Variants in SLC22A24 observed in about 807,000 individuals in gnomAD.
SLC22A24 encodes the protein solute carrier family 22 member 24.
Under a neutral mutation model 49.8 loss-of-function variants are expected in SLC22A24, and 53 were observed. The ratio of observed to expected loss-of-function variants is 1.06; its 90% confidence interval spans 0.85 to 1.34. The LOEUF (loss-of-function observed/expected upper bound fraction) is 1.34, where lower values mean the gene tolerates loss of function less well. SLC22A24 is among the 40% of genes most tolerant of loss of function. The pLI, the probability that SLC22A24 is intolerant of heterozygous loss-of-function variation, is 0.00. For synonymous variants in SLC22A24, 302 were observed against 256.4 expected, an observed-to-expected ratio of 1.18 and a Z score of -1.70; for missense variants, 786 against 675.9, an observed-to-expected ratio of 1.16 and a Z score of -1.81.
intron 4 of SLC22A24, among the ~76,000 whole-genome samples, chr11:63,118,112 G>T (rs553260848): frequency 1.3e-5 from 2 of 152,140 alleles, no homozygotes; most frequent in Non-Finnish European, 2.9e-5. Context: ...TCCAAATAGG[G>T]TCTTAGGGGA....
intron 8 of SLC22A24, among the ~76,000 whole-genome samples, 189 bp downstream of exon 8, chr11:63,081,369 C>G (rs540444065): frequency 6.6e-6 from 1 of 152,282 alleles, no homozygotes; most frequent in East Asian, 1.9e-4. Context: ...CATTAATTAA[C>G]CTGTAGCAAT....
intron 1 of SLC22A24, among the ~76,000 whole-genome samples, chr11:63,142,529 C>T (rs2134688402): frequency 6.6e-6 from 1 of 152,294 alleles, no homozygotes; most frequent in South Asian, 2.1e-4. Flanking sequence ...CCAAAGCAGA[C>T]CTCCTTCTTG....
intron 2 of SLC22A24, among the ~76,000 whole-genome samples, chr11:63,123,013 G>T (rs925274274): frequency 3.3e-5 from 5 of 151,984 alleles, no homozygotes; most frequent in African/African-American, 1.2e-4. Context: ...ATATATTATT[G>T]TTAACTAAAG....
chr11:63,119,040 TA>T lies in SLC22A24; in HGVS notation c.701del (p.Ile234LysfsTer15). ...WTLPRSRSMT[I>X]MVLLCSYSVG... ...CACTGTAGGAACATAATAGCACCAT[TA>T]TTGTCATAGATCGTGACCGGGGCAA... is the stretch of plus-strand genomic sequence containing the variant. On this transcript the variant is annotated frameshift_variant, in exon 4 of 10. Coordinates refer to ENST00000612278, the MANE Select transcript of SLC22A24 (RefSeq NM_001136506.2). LOFTEE classifies it high-confidence loss of function. The T allele has an allele frequency of 6.4e-7, 1 of 1,551,504 alleles. No homozygotes were observed. Among genetic ancestry groups the T allele is most frequent in the Non-Finnish European group, 8.7e-7 (1 of 1,146,828 alleles).
intron 4 of SLC22A24, 179 bp downstream of exon 4, chr11:63,118,733 C>T (rs1565334281): frequency 8.0e-6 from 5 of 621,140 alleles, no homozygotes; most frequent in Non-Finnish European, 1.4e-5. Context: ...AAGTGCCAGC[C>T]TCCCCACATA....
At chr11:63,121,910 T>C (rs1330500887) in intron 2 of SLC22A24, among the ~76,000 whole-genome samples, 2 of 152,008 alleles carry the variant, frequency 1.3e-5, no homozygotes, top group African/African-American at 4.8e-5. Context: ...TTTTTTTAGC[T>C]TGAAGAAATA....
At chr11:63,084,417 A>C (rs1384644329) in intron 6 of SLC22A24, among the ~76,000 whole-genome samples, 1 of 152,216 alleles carries the variant, frequency 6.6e-6, no homozygotes, top group Non-Finnish European at 1.5e-5. Flanking sequence ...GAAAGAGGAA[A>C]GGAGAAAAGA....
intron 6 of SLC22A24, among the ~76,000 whole-genome samples, chr11:63,093,035 T>A (rs1261585890): frequency 2.6e-5 from 4 of 152,092 alleles, no homozygotes; most frequent in African/African-American, 9.7e-5. Flanking sequence ...GCAAAGGACA[T>A]GAGCAGACAT....
chr11:63,083,967 G>T (rs932566915), intron 6 of SLC22A24, among the ~76,000 whole-genome samples: 1 of 152,166 alleles, frequency 6.6e-6, no homozygotes, highest in South Asian at 2.1e-4. Context: ...GAGAATGGGG[G>T]TAATACTTAC....
Position 63,143,559 on chromosome 11 carries a change from C to T in SLC22A24, c.221G>A (p.Arg74Lys), listed in dbSNP as rs1209290139. The T allele has an allele frequency of 1.9e-6, 3 of 1,576,312 alleles. No individual in the cohort carries two copies. Among genetic ancestry groups the T allele is most frequent in the Non-Finnish European group, 2.6e-6 (3 of 1,163,048 alleles). Reference protein sequence around the residue: ...TGTLSKDDLLRISIPLDSNLR... With the variant: ...TGTLSKDDLLKISIPLDSNLR... ...GTTTGAGTCCAGTGGGATGGAGATTCTCAGGAGGTCATCCTTGCTGAGGGT... is the reference window on the plus strand; with the variant it reads ...GTTTGAGTCCAGTGGGATGGAGATTTTCAGGAGGTCATCCTTGCTGAGGGT... The change falls in exon 1 of 10, where the codon AGA (arginine) becomes AAA (lysine). Residue 74 changes from arginine (R) to lysine (K), a missense_variant. Physicochemically the swap from Arg to Lys is conservative, Grantham distance 26 (BLOSUM62 2). Coordinates refer to ENST00000612278, the MANE Select transcript of SLC22A24 (RefSeq NM_001136506.2).
intron 6 of SLC22A24, among the ~76,000 whole-genome samples, chr11:63,092,671 C>A (rs943103150): frequency 6.7e-6 from 1 of 149,698 alleles, no homozygotes; most frequent in East Asian, 2.0e-4. Flanking sequence ...CCCTTTCCTA[C>A]ACCTTATATA....
chr11:63,098,644 C>A (rs572394005), intron 5 of SLC22A24, among the ~76,000 whole-genome samples: 2 of 152,138 alleles, frequency 1.3e-5, no homozygotes, highest in South Asian at 2.1e-4. Flanking sequence ...GCCTAGGTGA[C>A]AGAGTGAGAC....
intron 4 of SLC22A24, among the ~76,000 whole-genome samples, chr11:63,105,166 C>T (rs1411351811): frequency 1.3e-5 from 2 of 152,226 alleles, no homozygotes; most frequent in Admixed American, 6.5e-5. Context: ...GCAGCTCTGC[C>T]ACTGTGGCTT....
intron 4 of SLC22A24, among the ~76,000 whole-genome samples, chr11:63,118,295 A>G (rs890363574): frequency 1.1e-4 from 16 of 152,260 alleles, no homozygotes; most frequent in African/African-American, 2.6e-4. Flanking sequence ...ACATCCCAAC[A>G]TTCACTTTCT....
chr11:63,111,835 G>C (rs983047680), intron 4 of SLC22A24, among the ~76,000 whole-genome samples: 2 of 151,820 alleles, frequency 1.3e-5, no homozygotes, highest in African/African-American at 2.4e-5. Flanking sequence ...AGGGTTTTTT[G>C]TGTCTCTATT....
intron 2 of SLC22A24, among the ~76,000 whole-genome samples, chr11:63,128,718 A>G (rs2087311826): frequency 6.6e-6 from 1 of 152,188 alleles, no homozygotes; most frequent in Non-Finnish European, 1.5e-5. Context: ...GCCCCCGTCC[A>G]GTGGACACAT....
intron 4 of SLC22A24, among the ~76,000 whole-genome samples, chr11:63,105,702 TA>T (rs2087116788): frequency 6.6e-6 from 1 of 151,934 alleles, no homozygotes; most frequent in Non-Finnish European, 1.5e-5. Flanking sequence ...CCTAGGTAAA[TA>T]GGCCTATGAT....
chr11:63,089,504 G>C (rs574396696), intron 6 of SLC22A24, among the ~76,000 whole-genome samples: 1 of 152,070 alleles, frequency 6.6e-6, no homozygotes, highest in African/African-American at 2.4e-5. Flanking sequence ...TGAAGAAAGC[G>C]CATCAACTAA....
chr11:63,140,470 A>G (rs1482524017), intron 1 of SLC22A24, among the ~76,000 whole-genome samples: 1 of 152,168 alleles, frequency 6.6e-6, no homozygotes, highest in African/African-American at 2.4e-5. Flanking sequence ...CAGATCTGCT[A>G]AATGCCTTAA....
Sources: gnomAD v4.1 joint callset for allele counts (sites outside exome capture counted in the v4.1 genomes callset) on GRCh38, gnomAD v4.1.1 for gene constraint, MANE v1.5 for transcripts, NCBI Gene and HGNC (gene_info 2026-07-23, HGNC 2026-07-21) for gene names.